Variants in UGT1A9 observed in about 807,000 individuals in gnomAD.
UGT1A9 encodes UDP glucuronosyltransferase family 1 member A9, also known as UDP-glucuronosyltransferase 1A9.
UGT1A9 carries 35 observed loss-of-function variants against 45.0 expected under a neutral mutation model. The ratio of observed to expected loss-of-function variants is 0.78; its 90% CI spans 0.59 to 1.03. The LOEUF (loss-of-function observed/expected upper bound fraction) is 1.03. Ranked by LOEUF, UGT1A9 falls within the 50% of genes least tolerant of loss-of-function variation. UGT1A9 has a pLI of 0.00. For missense variants in UGT1A9, 687 were observed against 666.6 expected (o/e 1.03, Z -0.34); for synonymous variants, 278 against 250.6 (o/e 1.11, Z -1.03).
At chr2:233,682,216 T>TG (rs1186341216) in intron 1 of UGT1A9, 2 of 1,614,148 alleles carry the variant, frequency 1.2e-6, no homozygotes, top group African/African-American at 2.7e-5. Context: ...TCATGGTTTT[T>TG]GCCGATGCTC....
intron 1 of UGT1A9, among the ~76,000 whole-genome samples, chr2:233,751,937 A>C (rs539080816): frequency 5.9e-5 from 9 of 152,318 alleles, no homozygotes; most frequent in African/African-American, 1.9e-4. Context: ...GATTGAAGTT[A>C]TACTGAAAGG....
At chr2:233,675,353 T>A (rs1030816419) in intron 1 of UGT1A9, among the ~76,000 whole-genome samples, 1 of 152,190 alleles carries the variant, frequency 6.6e-6, no homozygotes, top group Non-Finnish European at 1.5e-5. Context: ...AACATTGAAA[T>A]AGTTTTAATG....
chr2:233,712,993 T>C lies in UGT1A9; in HGVS notation c.855+40204T>C, dbSNP rs780175553. ...CAGCTGTCGGTGGCTTCTGCTGAGA[T>C]GGCCACAGGACTCCAGGTTCCCCTG... On this transcript the variant is annotated intron_variant, in intron 1 of 4. Transcript: ENST00000354728. 5.0e-6 allele frequency: 8 copies of C among 1,613,368 alleles called. No individual in the cohort carries two copies. The East Asian group carries it at 1.8e-4, about 36-fold the overall frequency.
At chr2:233,748,449 C>G (rs756497529) in intron 1 of UGT1A9, among the ~76,000 whole-genome samples, 2 of 151,714 alleles carry the variant, frequency 1.3e-5, no homozygotes, top group Non-Finnish European at 2.9e-5. Context: ...GCACAATTTT[C>G]AGGGGAAAGA....
At chr2:233,681,797 G>T in intron 1 of UGT1A9, 1 of 1,472,342 alleles carries the variant, frequency 6.8e-7, no homozygotes. Flanking sequence ...GTAAATCATT[G>T]GCAGTGAATG....
At chr2:233,682,492 T>A in intron 1 of UGT1A9, 1 of 1,613,970 alleles carries the variant, frequency 6.2e-7, no homozygotes, top group South Asian at 1.1e-5. Flanking sequence ...AGTGCCCTGC[T>A]CCTCTTTCCT....
At chr2:233,712,844 G>A (rs2076257944) in intron 1 of UGT1A9, 2 of 1,520,210 alleles carry the variant, frequency 1.3e-6, no homozygotes, top group Non-Finnish European at 1.8e-6. Flanking sequence ...TAGATTAACG[G>A]GTAATAAGTA....
At chr2:233,689,405 C>T (rs1460955813) in intron 1 of UGT1A9, among the ~76,000 whole-genome samples, 1 of 152,192 alleles carries the variant, frequency 6.6e-6, no homozygotes, top group Non-Finnish European at 1.5e-5. Flanking sequence ...ACTTGAGACC[C>T]AATCTCTCTA....
chr2:233,717,321 G>T (rs563311292), intron 1 of UGT1A9, among the ~76,000 whole-genome samples: 1 of 152,328 alleles, frequency 6.6e-6, no homozygotes, highest in African/African-American at 2.4e-5. Flanking sequence ...AGCACTCTGT[G>T]TCCTCACAAA....
At chr2:233,736,459 C>T (rs1461778368) in intron 1 of UGT1A9, among the ~76,000 whole-genome samples, 1 of 152,202 alleles carries the variant, frequency 6.6e-6, no homozygotes, top group African/African-American at 2.4e-5. Flanking sequence ...TTCGAACATG[C>T]ACTTTTAGCT....
rs199834645 is a variant in UGT1A9, at chr2:233,692,978, A to G, written c.855+20189A>G. On this transcript the variant is annotated intron_variant, in intron 1 of 4. Coordinates refer to ENST00000354728, the MANE Select transcript of UGT1A9 (RefSeq NM_021027.3). ...ATTTGGAGAGTGAAAACTCTTTATTACCGTTGTTACTTTAACTCTTTCCAG... is the reference window on the plus strand; with the variant it reads ...ATTTGGAGAGTGAAAACTCTTTATTGCCGTTGTTACTTTAACTCTTTCCAG... The G allele has an allele frequency of 1.2e-5, 19 of 1,612,834 alleles. No individual in the cohort carries two copies. In the African/African-American group the frequency reaches 2.1e-4, roughly 18 times the overall value.
At chr2:233,691,242 A>G in intron 1 of UGT1A9, 2 of 985,500 alleles carry the variant, frequency 2.0e-6, no homozygotes, top group Non-Finnish European at 1.2e-6. Flanking sequence ...TGCTATCTAG[A>G]TGAACTCAAA....
At chr2:233,770,449 T>A (rs1700082466) in intron 4 of UGT1A9, 1 of 151,928 alleles carries the variant, frequency 6.6e-6, no homozygotes, top group Non-Finnish European at 1.5e-5. Flanking sequence ...AGGTTAGGAG[T>A]TCGAAACCAA....
At position 233,767,103 on chromosome 2, in the gene UGT1A9, T is replaced by G; in HGVS notation, c.925T>G (p.Ser309Ala). Reference sequence around the variant, plus strand: ...GGTTTTCTCTTTGGGATCAATGGTCTCAGAAATTCCAGAGAAGAAAGCTAT... The same window carrying G: ...GGTTTTCTCTTTGGGATCAATGGTCGCAGAAATTCCAGAGAAGAAAGCTAT... Reference protein sequence around the residue: ...IVVFSLGSMVSEIPEKKAMAI... With the variant: ...IVVFSLGSMVAEIPEKKAMAI... Residue 309 changes from serine to alanine, a missense_variant, in exon 2 of 5, where the codon TCA becomes GCA. Ser to Ala is a moderately conservative substitution (Grantham distance 99). Coordinates refer to ENST00000354728, the MANE Select transcript of UGT1A9 (RefSeq NM_021027.3). 6.2e-7 allele frequency: 1 copy of G among 1,614,148 alleles called. No individual in the cohort carries two copies. Among genetic ancestry groups the G allele is most frequent in the South Asian group, 1.1e-5 (1 of 91,074 alleles).
At position 233,768,369 on chromosome 2, in the gene UGT1A9, A is replaced by T. The variant is rs1156645272; in HGVS notation, c.1225A>T (p.Thr409Ser). 8.1e-6 allele frequency: 13 copies of T among 1,614,034 alleles called. No homozygotes were observed. The South Asian group carries it at 1.1e-4, about 14-fold the overall frequency. Residue 409 changes from threonine to serine, a missense_variant, in exon 4 of 5, where the codon ACC (threonine) becomes TCC (serine). Thr to Ser is a moderately conservative substitution (Grantham distance 58). Coordinates refer to ENST00000354728, the MANE Select transcript of UGT1A9 (RefSeq NM_021027.3). ...CATGGAGACTAAGGGAGCTGGAGTG[A>T]CCCTGAATGTTCTGGAAATGACTTC... Reference protein sequence around the residue: ...KRMETKGAGVTLNVLEMTSED... With the variant: ...KRMETKGAGVSLNVLEMTSED...
Position 233,672,410 on chromosome 2 carries a change from A to G in UGT1A9, c.476A>G (p.Lys159Arg). Reference sequence around the variant, plus strand: ...GATAACTGTGGCTTAATTGTTGCCAAATATTTCTCCCTCCCCTCCGTGGTC... The same window carrying G: ...GATAACTGTGGCTTAATTGTTGCCAGATATTTCTCCCTCCCCTCCGTGGTC... ...PFDNCGLIVA[K>R]YFSLPSVVFA... is the part of the protein sequence containing the mutation. Residue 159 changes from lysine (K) to arginine (R), a missense_variant, in exon 1 of 5, where the codon AAA becomes AGA. Lys to Arg is a conservative substitution (Grantham distance 26, BLOSUM62 2). Coordinates refer to ENST00000354728, the MANE Select transcript of UGT1A9 (RefSeq NM_021027.3). 6.2e-7 allele frequency: 1 copy of G among 1,614,006 alleles called. No individual in the cohort carries two copies. Among genetic ancestry groups the G allele is most frequent in the South Asian group, 1.1e-5 (1 of 91,066 alleles).
At chr2:233,678,615 C>T (rs990836815) in intron 1 of UGT1A9, among the ~76,000 whole-genome samples, 1 of 152,168 alleles carries the variant, frequency 6.6e-6, no homozygotes, top group African/African-American at 2.4e-5. Context: ...GGGTTCATGT[C>T]TTAATAGAAG....
At position 233,772,385 on chromosome 2, in the gene UGT1A9, C is replaced by A. The variant is rs28900406; in HGVS notation, c.1419C>A (p.Pro473=). ...ACAAGGGCGCGCCACACCTGCGCCCCGCAGCCCACGACCTCACCTGGTACC... is the reference window on the plus strand; with the variant it reads ...ACAAGGGCGCGCCACACCTGCGCCCAGCAGCCCACGACCTCACCTGGTACC... ...MRHKGAPHLR[P]AAHDLTWYQY... is the part of the protein sequence containing the mutation. The change falls in exon 5 of 5, where the codon CCC becomes CCA. Residue 473 remains proline (P), a synonymous_variant. Transcript: ENST00000354728. 3 of 1,614,128 alleles carry A rather than the reference C, an allele frequency of 1.9e-6. No individual in the cohort carries two copies. The African/African-American group carries it at 4.0e-5, about 22-fold the overall frequency.
At chr2:233,770,445 G>A (rs1397015735) in intron 4 of UGT1A9, 1 of 152,118 alleles carries the variant, frequency 6.6e-6, no homozygotes, top group Middle Eastern at 3.2e-3. Flanking sequence ...CTTGAGGTTA[G>A]GAGTTCGAAA....
Sources: allele counts gnomAD v4.1 joint callset (sites outside exome capture counted in the v4.1 genomes callset), GRCh38; gene constraint gnomAD v4.1.1; transcripts MANE v1.5; gene names NCBI Gene and HGNC (gene_info 2026-07-23, HGNC 2026-07-21).